The following SORCS3 variants were observed in gnomAD, a reference collection of about 807,000 sequenced individuals.
The protein encoded by SORCS3 is VPS10 domain-containing receptor SorCS3.
A neutral mutation model predicts 146.3 loss-of-function variants in SORCS3; 57 were observed. The observed-to-expected ratio is 0.39, with a 90% CI of 0.31 to 0.49. SORCS3 has a LOEUF of 0.49. Ranked by LOEUF, SORCS3 falls within the 20% of genes least tolerant of loss-of-function variation. The pLI is 0.92. For missense variants in SORCS3, 1,341 were observed against 1,575.5 expected, an observed-to-expected ratio of 0.85 and a Z score of 2.52; for synonymous variants, 653 against 618.5, an observed-to-expected ratio of 1.06 and a Z score of -0.83.
rs61867243 is a variant in SORCS3 at position 105,091,618 on chromosome 10, G to A, written c.1093+1779G>A. ...TTGGATCCTTAAATAGATGTAAATCGGTGAGACAGCCAGGGATGACCTACA... is the reference window on the plus strand; with the variant it reads ...TTGGATCCTTAAATAGATGTAAATCAGTGAGACAGCCAGGGATGACCTACA... On this transcript the variant is annotated intron_variant, in intron 6 of 26. Transcript: ENST00000369701. Among the ~76,000 whole-genome samples, 11 of 150,320 alleles carry A rather than the reference G, an allele frequency of 7.3e-5. No individual in the cohort carries two copies. In the South Asian group the frequency reaches 1.0e-3, roughly 14 times the overall value.
chr10:105,095,517 A>C (rs1057269795), intron 6 of SORCS3, among the ~76,000 whole-genome samples: 22 of 152,082 alleles, frequency 1.4e-4, no homozygotes, highest in African/African-American at 5.1e-4. Flanking sequence ...GCCTGCCTGC[A>C]CTATCTGCCC....
At chr10:105,154,070 A>G (rs1039973296) in intron 9 of SORCS3, among the ~76,000 whole-genome samples, 8 of 56,006 alleles carry the variant, frequency 1.4e-4, no homozygotes, top group South Asian at 5.3e-4. Flanking sequence ...ACTCCATCTG[A>G]AAAAAAAAAA....
intron 7 of SORCS3, among the ~76,000 whole-genome samples, chr10:105,117,946 A>C (rs1243414618): frequency 6.6e-6 from 1 of 152,000 alleles, no homozygotes; most frequent in African/African-American, 2.4e-5. Context: ...GTCCCCTCTC[A>C]TCTCTCCATC....
At chr10:105,025,381 C>T (rs920584318) in intron 4 of SORCS3, among the ~76,000 whole-genome samples, 1 of 152,136 alleles carries the variant, frequency 6.6e-6, no homozygotes, top group Non-Finnish European at 1.5e-5. Flanking sequence ...GTCTATGGCA[C>T]TACATTTACG....
At chr10:105,188,473 C>T (rs1005815509) in intron 14 of SORCS3, among the ~76,000 whole-genome samples, 1 of 152,172 alleles carries the variant, frequency 6.6e-6, no homozygotes, top group Non-Finnish European at 1.5e-5. Flanking sequence ...TGTGTACCAT[C>T]ACTTCCCAGT....
chr10:104,904,044 C>A (rs1235888510), intron 2 of SORCS3, among the ~76,000 whole-genome samples: 1 of 152,096 alleles, frequency 6.6e-6, no homozygotes, highest in Non-Finnish European at 1.5e-5. Flanking sequence ...GATGTAATTT[C>A]TGTTGTAATA....
chr10:104,907,825 A>T (rs2133594531), intron 2 of SORCS3, among the ~76,000 whole-genome samples: 1 of 152,340 alleles, frequency 6.6e-6, no homozygotes, highest in East Asian at 1.9e-4. Flanking sequence ...GGCAATACCC[A>T]CTTGGAGAAT....
At chr10:104,743,270 C>T (rs939960099) in intron 1 of SORCS3, among the ~76,000 whole-genome samples, 1 of 152,180 alleles carries the variant, frequency 6.6e-6, no homozygotes, top group South Asian at 2.1e-4. Flanking sequence ...ACTAGAGCAA[C>T]CATGACCTAG....
chr10:105,239,053 G>C (rs1296305643), intron 20 of SORCS3, among the ~76,000 whole-genome samples: 3 of 152,078 alleles, frequency 2.0e-5, no homozygotes, highest in Non-Finnish European at 4.4e-5. Flanking sequence ...ATAGCTACTA[G>C]TTTAGTTTTA....
chr10:105,072,458 T>C (rs2055562551), intron 5 of SORCS3, among the ~76,000 whole-genome samples: 1 of 152,164 alleles, frequency 6.6e-6, no homozygotes, highest in Non-Finnish European at 1.5e-5. Context: ...CTTCTTGATC[T>C]TCCCCTGAGC....
intron 4 of SORCS3, among the ~76,000 whole-genome samples, chr10:104,977,952 G>A (rs1589576266): frequency 6.6e-6 from 1 of 151,786 alleles, no homozygotes; most frequent in Non-Finnish European, 1.5e-5. Flanking sequence ...GGATGGTCTC[G>A]ATCTCTTAAC....
intron 7 of SORCS3, among the ~76,000 whole-genome samples, chr10:105,106,854 C>T (rs2055825418): frequency 1.3e-5 from 2 of 152,142 alleles, no homozygotes; most frequent in Admixed American, 6.6e-5. Context: ...TTCTCTTATT[C>T]GTAAGTGTTT....
chr10:105,129,504 G>A lies in SORCS3; in HGVS notation c.1213-9893G>A, dbSNP rs76507718. Among the ~76,000 whole-genome samples, 376 of 151,902 alleles carry A rather than the reference G, an allele frequency of 2.5e-3. 14 individuals carry two copies. The East Asian group carries it at 0.03, about 12-fold the overall frequency. ...CTTTTCTTTCACCTGAAGCTCTGGC[G>A]TCCTTATCTATAACACTGAAAGTAT... On this transcript the variant is annotated intron_variant, in intron 7 of 26. Transcript: ENST00000369701.
intron 1 of SORCS3, among the ~76,000 whole-genome samples, chr10:104,787,100 G>A (rs2017445806): frequency 6.6e-6 from 1 of 152,192 alleles, no homozygotes; most frequent in African/African-American, 2.4e-5. Context: ...ACATCCCATA[G>A]ATGTTATATG....
At chr10:104,961,686 A>G (rs1305597917) in intron 3 of SORCS3, among the ~76,000 whole-genome samples, 1 of 152,204 alleles carries the variant, frequency 6.6e-6, no homozygotes, top group Non-Finnish European at 1.5e-5. Flanking sequence ...GCAACTGGTA[A>G]TGCCTTGGCT....
intron 4 of SORCS3, among the ~76,000 whole-genome samples, chr10:105,041,821 G>A (rs1247095895): frequency 6.6e-6 from 1 of 152,066 alleles, no homozygotes; most frequent in Non-Finnish European, 1.5e-5. Flanking sequence ...ACTTCATGTG[G>A]TCCAATTTCT....
chr10:104,999,096 T>C (rs1183065541), intron 4 of SORCS3, among the ~76,000 whole-genome samples: 18 of 152,148 alleles, frequency 1.2e-4, no homozygotes, highest in Admixed American at 1.2e-3. Context: ...GTTGTAAAAG[T>C]GGAAAAGGAG....
intron 4 of SORCS3, among the ~76,000 whole-genome samples, chr10:105,023,307 G>A (rs888197180): frequency 1.3e-4 from 20 of 152,300 alleles, no homozygotes; most frequent in African/African-American, 4.8e-4. Flanking sequence ...CACATATGCA[G>A]ATTTATTTTT....
chr10:105,062,972 G>A (rs1209174066), intron 5 of SORCS3, among the ~76,000 whole-genome samples: 2 of 152,186 alleles, frequency 1.3e-5, no homozygotes, highest in African/African-American at 2.4e-5. Context: ...TAGGAAGTGG[G>A]TGGAACGAAA....
Sources: gnomAD v4.1 joint callset for allele counts (sites outside exome capture counted in the v4.1 genomes callset) on GRCh38, gnomAD v4.1.1 for gene constraint, MANE v1.5 for transcripts, NCBI Gene and HGNC (gene_info 2026-07-23, HGNC 2026-07-21) for gene names.